The following BBS9 variants were observed in gnomAD, a reference collection of about 807,000 sequenced individuals.
The protein encoded by BBS9 is protein PTHB1.
A neutral mutation model predicts 117.7 loss-of-function variants in BBS9; 89 were observed. The observed-to-expected ratio is 0.76, with a 90% confidence interval of 0.64 to 0.90. The LOEUF is 0.90. BBS9 is among the 40% of genes least tolerant of loss of function. BBS9 has a pLI of 0.00. For synonymous variants in BBS9, 379 were observed against 370.9 expected (o/e 1.02, Z -0.25); for missense variants, 982 against 1,042.2 (o/e 0.94, Z 0.80).
intron 9 of BBS9, among the ~76,000 whole-genome samples, chr7:33,329,758 G>A (rs569266536): frequency 1.2e-4 from 18 of 152,142 alleles, no homozygotes; most frequent in Non-Finnish European, 2.6e-4. Flanking sequence ...ATGTCTCCGT[G>A]TACCTTCTCT....
intron 4 of BBS9, among the ~76,000 whole-genome samples, chr7:33,158,588 T>C (rs1260813538): frequency 6.6e-6 from 1 of 152,196 alleles, no homozygotes; most frequent in Non-Finnish European, 1.5e-5. Flanking sequence ...ACATTTAAGA[T>C]GTATCAGTGC....
intron 10 of BBS9, among the ~76,000 whole-genome samples, 154 bp downstream of exon 10, chr7:33,336,776 G>C (rs1815462291): frequency 6.6e-6 from 1 of 152,030 alleles, no homozygotes; most frequent in Non-Finnish European, 1.5e-5. Context: ...AGCACACAAG[G>C]TCTTTATGTC....
chr7:33,202,749 C>A (rs1183273329), intron 5 of BBS9, among the ~76,000 whole-genome samples: 1 of 152,176 alleles, frequency 6.6e-6, no homozygotes, highest in African/African-American at 2.4e-5. Flanking sequence ...CCAGTTACCT[C>A]CCACCAGGCA....
chr7:33,621,116 T>C (rs976522954), intron 21 of BBS9, among the ~76,000 whole-genome samples: 2 of 152,122 alleles, frequency 1.3e-5, no homozygotes, highest in East Asian at 1.9e-4. Context: ...AGACTACTAA[T>C]GGAAAACATA....
chr7:33,634,973 C>T (rs1294388201), intron 21 of BBS9, among the ~76,000 whole-genome samples: 2 of 152,222 alleles, frequency 1.3e-5, no homozygotes, highest in Admixed American at 1.3e-4. Context: ...AGTTGAAATT[C>T]TCTTTTGGTG....
chr7:33,179,088 AC>A (rs779188912), intron 5 of BBS9, among the ~76,000 whole-genome samples: 2 of 152,106 alleles, frequency 1.3e-5, no homozygotes, highest in Non-Finnish European at 2.9e-5. Context: ...AAAATGTCTG[AC>A]CTGATTAGGG....
At chr7:33,631,607 A>G (rs944522364) in intron 21 of BBS9, among the ~76,000 whole-genome samples, 1 of 152,178 alleles carries the variant, frequency 6.6e-6, no homozygotes, top group African/African-American at 2.4e-5. Context: ...ATCTGAATCC[A>G]ATTTTCAGAG....
At chr7:33,377,289 T>G (rs1824076296) in intron 17 of BBS9, among the ~76,000 whole-genome samples, 4 of 152,184 alleles carry the variant, frequency 2.6e-5, no homozygotes, top group Admixed American at 2.6e-4. Flanking sequence ...CCAGCACCAT[T>G]TGCGTGTTTT....
chr7:33,510,211 A>T (rs1846735554), intron 20 of BBS9, among the ~76,000 whole-genome samples: 1 of 152,142 alleles, frequency 6.6e-6, no homozygotes, highest in African/African-American at 2.4e-5. Context: ...GGCAATTTTA[A>T]AATAAATTGT....
chr7:33,141,694 CT>C (rs142395628), intron 1 of BBS9, among the ~76,000 whole-genome samples: 11 of 151,426 alleles, frequency 7.3e-5, no homozygotes, highest in South Asian at 6.3e-4. Flanking sequence ...GTTAGATGCA[CT>C]TTTTTTTTGT....
chr7:33,288,670 G>GTATA (rs1803389664), intron 9 of BBS9, among the ~76,000 whole-genome samples: 1 of 152,122 alleles, frequency 6.6e-6, no homozygotes, highest in Non-Finnish European at 1.5e-5. Flanking sequence ...TTAGCATGAA[G>GTATA]TATATATTAT....
In BBS9 at chr7:33,232,519, T is replaced by G. The variant is rs140275301; in HGVS notation, c.443-24717T>G. Among the ~76,000 whole-genome samples the G allele has an allele frequency of 2.4e-4, 37 of 152,198 alleles. 1 individual carries two copies. The highest frequency in any genetic ancestry group is 8.4e-4 in the African/African-American group (35 of 41,562). On this transcript the variant is annotated intron_variant, in intron 5 of 22. Transcript: ENST00000242067. ...GTAAACTGTGATTTTAAACAGTTCT[T>G]CATTTTTTTTAAGAAAATAAAGATG...
intron 19 of BBS9, among the ~76,000 whole-genome samples, chr7:33,470,742 AC>A (rs1840899287): frequency 6.6e-6 from 1 of 152,198 alleles, no homozygotes; most frequent in African/African-American, 2.4e-5. Context: ...ACAATCACAC[AC>A]AAGTTCACAA....
intron 19 of BBS9, among the ~76,000 whole-genome samples, chr7:33,451,973 A>G (rs1326188847): frequency 1.3e-5 from 2 of 152,132 alleles, no homozygotes; most frequent in African/African-American, 4.8e-5. Flanking sequence ...AACTGGGATT[A>G]CAGGTGTGCA....
At chr7:33,443,075 T>C (rs1402028536) in intron 19 of BBS9, among the ~76,000 whole-genome samples, 1 of 152,194 alleles carries the variant, frequency 6.6e-6, no homozygotes, top group African/African-American at 2.4e-5. Flanking sequence ...GGGTAGATCA[T>C]GTACTCATTT....
At chr7:33,558,152 A>C (rs910248355) in intron 21 of BBS9, among the ~76,000 whole-genome samples, 1 of 152,256 alleles carries the variant, frequency 6.6e-6, no homozygotes, top group Non-Finnish European at 1.5e-5. Flanking sequence ...TTCTGATACT[A>C]TATAGCCTGC....
intron 9 of BBS9, among the ~76,000 whole-genome samples, chr7:33,286,762 G>A (rs1463201862): frequency 6.6e-6 from 1 of 152,086 alleles, no homozygotes. Context: ...ACTTTGGATG[G>A]ACTTAGTCCT....
chr7:33,368,102 A>G lies in BBS9; in HGVS notation c.1789+240A>G, dbSNP rs966725429. On this transcript the variant is annotated intron_variant, in intron 17 of 22. Transcript: ENST00000242067. ...TGATCTAAATTTCACCAAAAATCAGATATGTAACTGATATATTCACTTTAT... is the reference window on the plus strand; with the variant it reads ...TGATCTAAATTTCACCAAAAATCAGGTATGTAACTGATATATTCACTTTAT... 1.3e-5 allele frequency among the ~76,000 whole-genome samples: 2 copies of G among 152,190 alleles called. 1 individual carries two copies.
At chr7:33,272,733 G>A (rs1800018272) in intron 7 of BBS9, among the ~76,000 whole-genome samples, 1 of 151,978 alleles carries the variant, frequency 6.6e-6, no homozygotes, top group East Asian at 1.9e-4. Context: ...TCATTTTCAT[G>A]GAAGTTTTTT....
Sources: gnomAD v4.1 joint callset for allele counts (sites outside exome capture counted in the v4.1 genomes callset) on GRCh38, gnomAD v4.1.1 for gene constraint, MANE v1.5 for transcripts, NCBI Gene and HGNC (gene_info 2026-07-23, HGNC 2026-07-21) for gene names.